NLGN1: variants seen among roughly 807,000 people sequenced by gnomAD.
NLGN1 encodes neuroligin 1, also known as neuroligin-1.
A neutral mutation model predicts 65.5 loss-of-function variants in NLGN1; 12 were observed. That is an observed-to-expected ratio of 0.18 (90% confidence interval 0.12 to 0.30). The LOEUF (loss-of-function observed/expected upper bound fraction) is 0.30, where lower values mean the gene tolerates loss of function less well. NLGN1 is among the 10% of genes least tolerant of loss of function. The pLI is 1.00. For synonymous variants in NLGN1, 350 were observed against 359.5 expected (o/e 0.97, Z 0.30); for missense variants, 750 against 1,007.1 (o/e 0.74, Z 3.46).
At chr3:173,992,694 T>C (rs946381998) in intron 4 of NLGN1, among the ~76,000 whole-genome samples, 11 of 152,164 alleles carry the variant, frequency 7.2e-5, no homozygotes, top group Admixed American at 3.9e-4. Flanking sequence ...CTCTAGGGTA[T>C]GTAATGTTAG....
intron 4 of NLGN1, among the ~76,000 whole-genome samples, chr3:174,249,610 C>T (rs1007064476): frequency 6.6e-6 from 1 of 152,152 alleles, no homozygotes; most frequent in African/African-American, 2.4e-5. Flanking sequence ...GTTCACATTT[C>T]CTTTAAAATT....
intron 4 of NLGN1, among the ~76,000 whole-genome samples, chr3:174,266,032 G>GTA (rs3036872): frequency 0.12 from 15,933 of 129,622 alleles, 929 homozygotes; most frequent in African/African-American, 0.14. Context: ...GTGTGTGTGT[G>GTA]TATATATATA....
intron 2 of NLGN1, among the ~76,000 whole-genome samples, chr3:173,490,874 T>C (rs1316616452): frequency 2.9e-4 from 44 of 151,876 alleles, no homozygotes; most frequent in Non-Finnish European, 1.9e-4. Flanking sequence ...TGGGAGTTCA[T>C]TCATGATTTG....
In NLGN1 at chr3:173,631,476, C is replaced by T. The variant is rs61558288; in HGVS notation, c.493+26385C>T. Among the ~76,000 whole-genome samples, 1,175 of 152,094 alleles carry T rather than the reference C, an allele frequency of 7.7e-3. 21 individuals carry two copies. Among genetic ancestry groups the T allele is most frequent in the African/African-American group, 0.027 (1,124 of 41,490 alleles). On this transcript the variant is annotated intron_variant, in intron 3 of 6. Coordinates refer to ENST00000457714, the Ensembl canonical transcript of NLGN1. Reference sequence around the variant, plus strand: ...TGTGAATCTGTGTATGTTGAAGGGACGGCAAGTGTTTGTATGAATTTCTGT... The same window carrying T: ...TGTGAATCTGTGTATGTTGAAGGGATGGCAAGTGTTTGTATGAATTTCTGT...
At chr3:174,241,625 C>A (rs1742832881) in intron 4 of NLGN1, among the ~76,000 whole-genome samples, 1 of 151,644 alleles carries the variant, frequency 6.6e-6, no homozygotes, top group African/African-American at 2.4e-5. Flanking sequence ...ATTGATAAAT[C>A]CCTACCCCCC....
At chr3:173,876,565 A>AAAGCTAT (rs1408278167) in intron 4 of NLGN1, among the ~76,000 whole-genome samples, 1 of 152,128 alleles carries the variant, frequency 6.6e-6, no homozygotes, top group African/African-American at 2.4e-5. Context: ...TGTGGTTTTA[A>AAAGCTAT]AAGCTATTCT....
At chr3:173,748,795 C>A (rs1313144778) in intron 3 of NLGN1, among the ~76,000 whole-genome samples, 1 of 152,066 alleles carries the variant, frequency 6.6e-6, no homozygotes, top group Non-Finnish European at 1.5e-5. Flanking sequence ...CTGAAAGCTA[C>A]ATTTGTAGAT....
chr3:173,861,003 T>G (rs115946147), intron 4 of NLGN1, among the ~76,000 whole-genome samples: 3,333 of 152,270 alleles, frequency 0.022, 44 homozygotes, highest in African/African-American at 0.04. Flanking sequence ...AGAAATCTTT[T>G]AGTGAGAAAA....
At chr3:173,905,153 G>A (rs1245778344) in intron 4 of NLGN1, among the ~76,000 whole-genome samples, 1 of 152,154 alleles carries the variant, frequency 6.6e-6, no homozygotes, top group Non-Finnish European at 1.5e-5. Context: ...TTCCCATGTG[G>A]ACTATCGCCA....
At chr3:174,046,139 T>C (rs1421719630) in intron 4 of NLGN1, among the ~76,000 whole-genome samples, 1 of 152,192 alleles carries the variant, frequency 6.6e-6, no homozygotes, top group Non-Finnish European at 1.5e-5. Context: ...CCAACTATTT[T>C]GCAAGAGCAT....
chr3:174,272,241 T>C (rs1039587484), intron 4 of NLGN1, among the ~76,000 whole-genome samples: 1 of 151,730 alleles, frequency 6.6e-6, no homozygotes, highest in African/African-American at 2.4e-5. Flanking sequence ...AGCACTTCAA[T>C]GTAAAGTTTC....
rs544264037 is a variant in NLGN1 at position 173,586,790 on chromosome 3, T to C, written c.-320-17489T>C. ...CTGAGAAGCTAGGTTAGTCTCTTTTTACTCTGCTATAAGTCACGTGGTTCA... is the reference window on the plus strand; with the variant it reads ...CTGAGAAGCTAGGTTAGTCTCTTTTCACTCTGCTATAAGTCACGTGGTTCA... On this transcript the variant is annotated intron_variant, in intron 2 of 6. Coordinates refer to ENST00000457714, the Ensembl canonical transcript of NLGN1. Among the ~76,000 whole-genome samples, 10 of 152,346 alleles carry C rather than the reference T, an allele frequency of 6.6e-5. No individual in the cohort carries two copies. In the East Asian group the frequency reaches 1.9e-3, roughly 29 times the overall value.
downstream of NLGN1, among the ~76,000 whole-genome samples, chr3:174,289,927 G>GTA (rs1221733255): frequency 1.6e-3 from 210 of 128,646 alleles, 2 homozygotes; most frequent in African/African-American, 4.7e-3. Context: ...ATATATATGT[G>GTA]TATATATATA....
At chr3:173,698,186 A>G (rs76405297) in intron 3 of NLGN1, among the ~76,000 whole-genome samples, 7,448 of 152,286 alleles carry the variant, frequency 0.049, 441 homozygotes, top group African/African-American at 0.12. Flanking sequence ...GAAGGTTTGT[A>G]GTTTATTTAT....
chr3:174,040,909 T>C (rs1021253216), intron 4 of NLGN1, among the ~76,000 whole-genome samples: 5 of 152,206 alleles, frequency 3.3e-5, no homozygotes, highest in African/African-American at 7.2e-5. Flanking sequence ...AAATTGCAGT[T>C]AACAGTACAC....
intron 2 of NLGN1, among the ~76,000 whole-genome samples, chr3:173,444,179 A>G (rs1004298160): frequency 1.2e-4 from 18 of 152,342 alleles, no homozygotes; most frequent in Admixed American, 1.1e-3. Flanking sequence ...ATCCTGACTT[A>G]AACATCGTTT....
At chr3:174,175,793 TC>T (rs1264583516) in intron 4 of NLGN1, among the ~76,000 whole-genome samples, 1 of 151,952 alleles carries the variant, frequency 6.6e-6, no homozygotes, top group Non-Finnish European at 1.5e-5. Flanking sequence ...GGTAACATGA[TC>T]CTGGTATTTA....
At chr3:174,216,544 T>A (rs1737651996) in intron 4 of NLGN1, among the ~76,000 whole-genome samples, 2 of 152,102 alleles carry the variant, frequency 1.3e-5, no homozygotes, top group African/African-American at 4.8e-5. Context: ...AGTAGATAGA[T>A]GTGCCCCTTT....
At chr3:173,417,951 G>GA (rs528748205) in intron 1 of NLGN1, among the ~76,000 whole-genome samples, 5 of 150,326 alleles carry the variant, frequency 3.3e-5, no homozygotes, top group African/African-American at 1.2e-4. Context: ...TTAATAATGA[G>GA]AAAAAAAACA....
Sources: gnomAD v4.1 joint callset for allele counts (sites outside exome capture counted in the v4.1 genomes callset) on GRCh38, gnomAD v4.1.1 for gene constraint, MANE v1.5 for transcripts, NCBI Gene and HGNC (gene_info 2026-07-23, HGNC 2026-07-21) for gene names.